CWC22: variants seen among roughly 807,000 people sequenced by gnomAD.
CWC22 encodes CWC22 spliceosome associated protein, also known as pre-mRNA-splicing factor CWC22 homolog.
A neutral mutation model predicts 117.2 loss-of-function variants in CWC22; 53 were observed. The observed-to-expected ratio is 0.45, with a 90% CI of 0.36 to 0.57. CWC22 has a LOEUF of 0.57. Ranked by LOEUF, CWC22 falls within the 20% of genes least tolerant of loss-of-function variation. The pLI is 0.00. For synonymous variants in CWC22, 360 were observed against 355.6 expected (o/e 1.01, Z -0.14); for missense variants, 980 against 1,068.8 (o/e 0.92, Z 1.16).
intron 14 of CWC22, among the ~76,000 whole-genome samples, chr2:179,957,749 G>A (rs1423830821): frequency 1.3e-5 from 2 of 151,792 alleles, no homozygotes; most frequent in Admixed American, 6.6e-5. Context: ...TTAAAGCAAC[G>A]TGAGAAAAAT....
At chr2:179,988,682 A>G (rs1359036085) in intron 2 of CWC22, 38 bp from the exon 3 acceptor site, 1 of 1,111,690 alleles carries the variant, frequency 9.0e-7, no homozygotes, top group East Asian at 2.6e-5. Context: ...TTCAAAAATT[A>G]TTTATGTTAA....
At chr2:179,994,822 A>G (rs746356327) in intron 1 of CWC22, among the ~76,000 whole-genome samples, 2 of 152,194 alleles carry the variant, frequency 1.3e-5, no homozygotes, top group Non-Finnish European at 2.9e-5. Context: ...TCAGCTGGCA[A>G]GTTGTCCCCC....
chr2:179,950,978 G>T, intron 17 of CWC22, 52 bp from the exon 18 acceptor site: 1 of 1,105,898 alleles, frequency 9.0e-7, no homozygotes, highest in South Asian at 1.5e-5. Flanking sequence ...AAGATAAAAA[G>T]GTAAAATCCT....
chr2:179,980,661 C>A (rs3934054), intron 5 of CWC22, among the ~76,000 whole-genome samples: 1 of 151,880 alleles, frequency 6.6e-6, no homozygotes, highest in African/African-American at 2.4e-5. Context: ...CCGAGGTGGG[C>A]GGATCATGAC....
chr2:180,004,292 A>G (rs989569731), intron 1 of CWC22, among the ~76,000 whole-genome samples: 3 of 152,360 alleles, frequency 2.0e-5, no homozygotes, highest in African/African-American at 7.2e-5. Flanking sequence ...TACAAAATGC[A>G]TCACTGTGTT....
At chr2:179,948,095 C>A (rs1412265508) in intron 19 of CWC22, among the ~76,000 whole-genome samples, 1 of 152,110 alleles carries the variant, frequency 6.6e-6, no homozygotes, top group African/African-American at 2.4e-5. Flanking sequence ...AACCTGTGCT[C>A]CTGCTGAAAA....
chr2:179,991,789 A>C (rs58718379), intron 2 of CWC22, among the ~76,000 whole-genome samples: 1 of 152,214 alleles, frequency 6.6e-6, no homozygotes, highest in Non-Finnish European at 1.5e-5. Context: ...TAACTGTTTA[A>C]GTAACAATGG....
chr2:179,978,954 T>A (rs528568892), intron 5 of CWC22, among the ~76,000 whole-genome samples: 1 of 152,322 alleles, frequency 6.6e-6, no homozygotes, highest in East Asian at 1.9e-4. Flanking sequence ...GCTGTACTGC[T>A]TTTTACCCTA....
chr2:179,954,218 G>C lies in CWC22; in HGVS notation c.1676C>G (p.Ser559Ter). The C allele has an allele frequency of 6.2e-7, 1 of 1,610,220 alleles. No homozygotes were observed. Among genetic ancestry groups the C allele is most frequent in the Non-Finnish European group, 8.5e-7 (1 of 1,177,652 alleles). The change falls in exon 16 of 20, where the codon TCA becomes TGA. Residue 559 changes from serine to a stop codon, truncating the protein, a stop_gained. Coordinates refer to ENST00000410053, the MANE Select transcript of CWC22 (RefSeq NM_020943.3). LOFTEE classifies it high-confidence loss of function. ...KMFAHLLYTD[S>*]LPWSVLECIK... ...CCATGTACTTACACTCCATGGAAGTGAATCAGTGTATAAAAGGTGAGCAAA... is the reference window on the plus strand; with the variant it reads ...CCATGTACTTACACTCCATGGAAGTCAATCAGTGTATAAAAGGTGAGCAAA...
Position 179,970,967 on chromosome 2 carries a change from G to A in CWC22, c.914C>T (p.Thr305Ile). Reference sequence around the variant, plus strand: ...ATTGATTCCTCTTGGTGACACTTGTGTTAATTTGAGGCCACATTCCTTAAG... The same window carrying A: ...ATTGATTCCTCTTGGTGACACTTGTATTAATTTGAGGCCACATTCCTTAAG... ...GFLKECGLKL[T>I]QVSPRGINAI... The change falls in exon 9 of 20, where the codon ACA becomes ATA. Residue 305 changes from threonine (T) to isoleucine (I), a missense_variant. Physicochemically the swap from Thr to Ile is moderately conservative, Grantham distance 89 (BLOSUM62 -1). Around this residue, in one of 3 missense-constraint regions of CWC22, gnomAD observed 559 missense variants for 602.3 expected, o/e 0.93. Transcript: ENST00000410053. 1 of 1,612,862 alleles carries A rather than the reference G, an allele frequency of 6.2e-7. No homozygotes were observed. The highest frequency in any genetic ancestry group is 2.2e-5 in the East Asian group (1 of 44,850).
chr2:179,980,954 A>C (rs1164123036), intron 5 of CWC22, among the ~76,000 whole-genome samples: 1 of 152,208 alleles, frequency 6.6e-6, no homozygotes, highest in African/African-American at 2.4e-5. Flanking sequence ...ACTTAGCTGT[A>C]CTTTCCTAAA....
intron 2 of CWC22, among the ~76,000 whole-genome samples, chr2:179,989,269 A>T (rs996452746): frequency 4.0e-5 from 6 of 149,696 alleles, no homozygotes; most frequent in Middle Eastern, 3.5e-3. Flanking sequence ...TATTATTATT[A>T]TTTTTTGAGA....
At chr2:179,977,083 C>T (rs1162166212) in intron 6 of CWC22, among the ~76,000 whole-genome samples, 4 of 152,016 alleles carry the variant, frequency 2.6e-5, no homozygotes, top group Non-Finnish European at 5.9e-5. Context: ...TTGAGCCCAG[C>T]AATTCAAGGG....
Position 179,952,496 on chromosome 2 carries a change from T to C in CWC22, c.1792A>G (p.Lys598Glu), listed in dbSNP as rs1191561638. 1 of 1,570,284 alleles carries C rather than the reference T, an allele frequency of 6.4e-7. No individual in the cohort carries two copies. The highest frequency in any genetic ancestry group is 2.3e-5 in the East Asian group (1 of 43,282). The change falls in exon 17 of 20, where the codon AAA becomes GAA. Residue 598 changes from lysine (K) to glutamate (E), a missense_variant. This residue lies in a region of CWC22 where 115 missense variants were observed against 169.8 expected (regional missense o/e 0.68). Transcript: ENST00000410053. Reference protein sequence around the residue: ...QELCEYMGLPKLNARLKDETL... With the variant: ...QELCEYMGLPELNARLKDETL... ...TCATCCTTTAATCTTGCATTAAGTT[T>C]AGGAAGACCCATGTATTCACACAGT...
chr2:179,947,476 T>C (rs1686339410), intron 19 of CWC22, among the ~76,000 whole-genome samples: 1 of 152,224 alleles, frequency 6.6e-6, no homozygotes, highest in Non-Finnish European at 1.5e-5. Context: ...TCATGCTGCT[T>C]TTATGCTATT....
chr2:179,958,927 G>A, intron 14 of CWC22, 95 bp downstream of exon 14: 2 of 661,066 alleles, frequency 3.0e-6, no homozygotes, highest in Non-Finnish European at 5.5e-6. Context: ...TTAGTACTGA[G>A]GTATTGCTTC....
chr2:180,001,622 G>A (rs1259718359), intron 1 of CWC22, among the ~76,000 whole-genome samples: 1 of 152,176 alleles, frequency 6.6e-6, no homozygotes, highest in Non-Finnish European at 1.5e-5. Context: ...GAGCCACCAT[G>A]TCCAGCCTGA....
At chr2:180,006,128 C>A (rs1687966333) in intron 1 of CWC22, among the ~76,000 whole-genome samples, 1 of 152,178 alleles carries the variant, frequency 6.6e-6, no homozygotes, top group African/African-American at 2.4e-5. Flanking sequence ...GTTAACTGAT[C>A]TGCTGAGAAC....
intron 1 of CWC22, among the ~76,000 whole-genome samples, 158 bp downstream of exon 1, chr2:180,006,709 C>T (rs982846121): frequency 9.9e-5 from 15 of 152,182 alleles, no homozygotes; most frequent in African/African-American, 3.4e-4. Context: ...TTGGCAAGCC[C>T]CAATGGACTC....
Sources: allele counts gnomAD v4.1 joint callset (sites outside exome capture counted in the v4.1 genomes callset), GRCh38; gene constraint gnomAD v4.1.1; regional missense constraint gnomAD v4.1.1; transcripts MANE v1.5; gene names NCBI Gene and HGNC (gene_info 2026-07-23, HGNC 2026-07-21).